Variants in TGFBR3 observed in about 807,000 individuals in gnomAD.
TGFBR3 encodes transforming growth factor beta receptor type 3.
A neutral mutation model predicts 87.9 loss-of-function variants in TGFBR3; 46 were observed. The ratio of observed to expected loss-of-function variants is 0.52; its 90% CI spans 0.41 to 0.67. The LOEUF is 0.67. TGFBR3 is among the 30% of genes least tolerant of loss of function. TGFBR3 has a pLI of 0.00. For missense variants in TGFBR3, 866 were observed against 1,041.9 expected, an observed-to-expected ratio of 0.83 and a Z score of 2.32; for synonymous variants, 381 against 391.6, an observed-to-expected ratio of 0.97 and a Z score of 0.32.
chr1:91,836,042 G>A (rs1677051633), intron 2 of TGFBR3, among the ~76,000 whole-genome samples: 1 of 151,866 alleles, frequency 6.6e-6, no homozygotes, highest in South Asian at 2.1e-4. Context: ...GAGGTCGGGA[G>A]TTCGAGACCA....
At chr1:91,781,664 T>A (rs1674772919) in intron 3 of TGFBR3, among the ~76,000 whole-genome samples, 2 of 151,924 alleles carry the variant, frequency 1.3e-5, no homozygotes, top group Non-Finnish European at 2.9e-5. Context: ...TAAGAACACA[T>A]GACAAAACAG....
intron 2 of TGFBR3, among the ~76,000 whole-genome samples, chr1:91,893,587 G>A (rs1463606347): frequency 6.6e-6 from 1 of 152,066 alleles, no homozygotes; most frequent in African/African-American, 2.4e-5. Context: ...AGCCCAACTT[G>A]TAACACATTC....
In TGFBR3 at chr1:91,772,134, G is replaced by C. The variant is rs563647207; in HGVS notation, c.247-13384C>G. Among the ~76,000 whole-genome samples the C allele has an allele frequency of 2.3e-4, 35 of 152,314 alleles. 1 individual carries two copies. The highest frequency in any genetic ancestry group is 7.9e-4 in the African/African-American group (33 of 41,568). On this transcript the variant is annotated intron_variant, in intron 3 of 16. Coordinates refer to ENST00000212355, the MANE Select transcript of TGFBR3 (RefSeq NM_003243.5). ...GAGCCTTGAAAGCCAAGCTTAACCAGTTAATGAAAGACGATCATTTGCTTT... is the reference window on the plus strand; with the variant it reads ...GAGCCTTGAAAGCCAAGCTTAACCACTTAATGAAAGACGATCATTTGCTTT...
At chr1:91,829,186 G>A (rs539448273) in intron 2 of TGFBR3, among the ~76,000 whole-genome samples, 1 of 151,994 alleles carries the variant, frequency 6.6e-6, no homozygotes, top group Non-Finnish European at 1.5e-5. Context: ...GACCAGCCTG[G>A]AGAGCATGGT....
At chr1:91,802,505 C>T (rs376101564) in intron 2 of TGFBR3, among the ~76,000 whole-genome samples, 319 of 151,990 alleles carry the variant, frequency 2.1e-3, no homozygotes, top group African/African-American at 7.1e-3. Flanking sequence ...GGATTACAGG[C>T]GCCCGCCATC....
At chr1:91,825,478 G>A (rs1328718412) in intron 2 of TGFBR3, among the ~76,000 whole-genome samples, 1 of 152,202 alleles carries the variant, frequency 6.6e-6, no homozygotes, top group East Asian at 1.9e-4. Context: ...ACTAGGGCCT[G>A]GGGAAAGGGA....
At chr1:91,881,346 A>C (rs1679068127) in intron 1 of TGFBR3, among the ~76,000 whole-genome samples, 1 of 152,230 alleles carries the variant, frequency 6.6e-6, no homozygotes, top group South Asian at 2.1e-4. Flanking sequence ...CCAAGTTTGC[A>C]TGCAAGAGAG....
intron 6 of TGFBR3, among the ~76,000 whole-genome samples, chr1:91,729,285 TACACACACACACACAC>T (rs72204982): frequency 7.0e-6 from 1 of 143,108 alleles, no homozygotes; most frequent in African/African-American, 2.6e-5. Context: ...TGCATGCGCA[TACACACACACACACAC>T]ACACACACAC....
Position 91,881,100 on chromosome 1 carries a change from T to C in TGFBR3, c.-114+4778A>G, listed in dbSNP as rs561200580. On this transcript the variant is annotated intron_variant, in intron 1 of 16. Transcript: ENST00000212355. ...TCCAGGCAAAATATTACAGCAAAGT[T>C]ATTACTTACACAGTCACAGTCTAAA... is the stretch of plus-strand genomic sequence containing the variant. 4.2e-4 allele frequency among the ~76,000 whole-genome samples: 64 copies of C among 152,236 alleles called. No individual in the cohort carries two copies. The South Asian group carries it at 7.9e-3, about 19-fold the overall frequency.
chr1:91,769,453 C>G (rs1024636762), intron 3 of TGFBR3, among the ~76,000 whole-genome samples: 2 of 152,056 alleles, frequency 1.3e-5, no homozygotes, highest in African/African-American at 4.8e-5. Flanking sequence ...TAACCTTCCC[C>G]TTTGCCCCCA....
At chr1:91,812,035 C>T (rs1489632754) in intron 2 of TGFBR3, among the ~76,000 whole-genome samples, 2 of 152,104 alleles carry the variant, frequency 1.3e-5, no homozygotes, top group Non-Finnish European at 2.9e-5. Context: ...CCAAGCAAAC[C>T]TTCGTAAACC....
At chr1:91,742,394 A>G (rs920897553) in intron 4 of TGFBR3, among the ~76,000 whole-genome samples, 2 of 152,222 alleles carry the variant, frequency 1.3e-5, no homozygotes, top group Non-Finnish European at 2.9e-5. Context: ...TGAAAGCTCA[A>G]TGTTGTTACC....
At position 91,758,514 on chromosome 1, in the gene TGFBR3, A is replaced by T. The variant is rs1673830241; in HGVS notation, c.384+99T>A. ...TTAACACTCTTTGGACTCTGGCATT[A>T]TTTCAGTGAAAGTAAGCCTTTATGA... On this transcript the variant is annotated intron_variant, in intron 4 of 16. Transcript: ENST00000212355. The T allele has an allele frequency of 1.1e-5, 15 of 1,382,112 alleles. 1 individual carries two copies. In the South Asian group the frequency reaches 1.2e-4, roughly 11 times the overall value. 85.6% of individuals were successfully genotyped at this position (1,382,112 alleles called of 1,614,324 possible).
intron 1 of TGFBR3, among the ~76,000 whole-genome samples, chr1:91,867,450 G>A (rs533615685): frequency 6.6e-6 from 1 of 152,266 alleles, no homozygotes; most frequent in South Asian, 2.1e-4. Flanking sequence ...GGCCCCAGCA[G>A]CCTTGGTTTC....
At chr1:91,807,811 C>T (rs915636222) in intron 2 of TGFBR3, among the ~76,000 whole-genome samples, 6 of 152,072 alleles carry the variant, frequency 3.9e-5, no homozygotes, top group Non-Finnish European at 8.8e-5. Flanking sequence ...ACAGAAGCAC[C>T]GGGAAATAGT....
intron 3 of TGFBR3, among the ~76,000 whole-genome samples, chr1:91,781,769 T>C (rs1165595759): frequency 6.6e-6 from 1 of 152,136 alleles, no homozygotes; most frequent in African/African-American, 2.4e-5. Context: ...TGATCTCTAA[T>C]AAACATAGAT....
intron 3 of TGFBR3, among the ~76,000 whole-genome samples, chr1:91,779,364 G>A (rs1464053185): frequency 1.3e-5 from 2 of 152,188 alleles, no homozygotes; most frequent in East Asian, 1.9e-4. Context: ...ATGCCCACAT[G>A]AGGAAAATGA....
chr1:91,719,791 G>T, intron 9 of TGFBR3, 102 bp downstream of exon 9: 1 of 1,311,508 alleles, frequency 7.6e-7, no homozygotes. Flanking sequence ...CAAGCCTCCG[G>T]AGTTCAAAAA....
At chr1:91,768,452 G>A (rs2100925064) in intron 3 of TGFBR3, among the ~76,000 whole-genome samples, 1 of 152,312 alleles carries the variant, frequency 6.6e-6, no homozygotes, top group Middle Eastern at 3.4e-3. Flanking sequence ...TGAAGAAATT[G>A]ATAGGTTTTG....
Sources: allele counts gnomAD v4.1 joint callset (sites outside exome capture counted in the v4.1 genomes callset), GRCh38; gene constraint gnomAD v4.1.1; transcripts MANE v1.5; gene names NCBI Gene and HGNC (gene_info 2026-07-23, HGNC 2026-07-21).